The following KLRG1 variants were observed in gnomAD, a reference collection of about 807,000 sequenced individuals.
The protein encoded by KLRG1 is killer cell lectin like receptor G1, also known as killer cell lectin-like receptor subfamily G member 1.
KLRG1 carries 16 observed loss-of-function variants against 21.8 expected under a neutral mutation model. The ratio of observed to expected loss-of-function variants is 0.73; its 90% CI spans 0.50 to 1.11. The LOEUF is 1.11. KLRG1 is among the 50% of genes most tolerant of loss of function. The pLI is 0.00. For missense variants in KLRG1, 173 were observed against 218.3 expected, an observed-to-expected ratio of 0.79 and a Z score of 1.31; for synonymous variants, 69 against 75.9, an observed-to-expected ratio of 0.91 and a Z score of 0.47.
At chr12:9,084,405 T>C in the KLRG1 span, among the ~76,000 whole-genome samples, 1 of 152,174 alleles carries the variant, frequency 6.6e-6, no homozygotes, top group Admixed American at 6.5e-5. Context: ...AAATACACAT[T>C]ACAAAATATG....
chr12:8,978,688 C>A (rs199800089), intron 1 of KLRG1, among the ~76,000 whole-genome samples: 1 of 89,532 alleles, frequency 1.1e-5, no homozygotes, highest in Admixed American at 1.2e-4. Flanking sequence ...TTCTTTCTTT[C>A]TTTTTCTTTC....
the KLRG1 span, among the ~76,000 whole-genome samples, chr12:9,194,716 G>A: frequency 7.9e-5 from 12 of 152,098 alleles, 1 homozygote; most frequent in South Asian, 2.1e-3. Flanking sequence ...TGCCCGCCTC[G>A]GCCTCCGAAA....
At chr12:9,166,208 G>A in the KLRG1 span, 1 of 1,607,858 alleles carries the variant, frequency 6.2e-7, no homozygotes. Context: ...ACCTGCTAAA[G>A]TAAGAGAAAA....
chr12:9,042,578 C>G, the KLRG1 span, among the ~76,000 whole-genome samples: 1 of 152,178 alleles, frequency 6.6e-6, no homozygotes, highest in African/African-American at 2.4e-5. Flanking sequence ...TTACCCAGCA[C>G]TTTTCTTCTC....
At chr12:9,137,098 T>C in the KLRG1 span, among the ~76,000 whole-genome samples, 1 of 152,202 alleles carries the variant, frequency 6.6e-6, no homozygotes, top group Non-Finnish European at 1.5e-5. Flanking sequence ...CAAGAAATCA[T>C]TGCCAAGACC....
chr12:9,012,551 T>C (rs1947646553), downstream of KLRG1, among the ~76,000 whole-genome samples: 1 of 151,858 alleles, frequency 6.6e-6, no homozygotes, highest in African/African-American at 2.4e-5. Flanking sequence ...AGCACATTGT[T>C]AGCTATGGTA....
chr12:9,192,726 T>G, the KLRG1 span: 1 of 1,610,074 alleles, frequency 6.2e-7, no homozygotes, highest in Non-Finnish European at 8.5e-7. Context: ...CAAGTTGGGA[T>G]GCACAGTGAA....
chr12:9,068,719 G>T, the KLRG1 span: 1 of 1,540,512 alleles, frequency 6.5e-7, no homozygotes. Context: ...ATATTTCTAC[G>T]TGAAAATCAC....
the KLRG1 span, among the ~76,000 whole-genome samples, chr12:9,105,763 C>T: frequency 3.3e-5 from 5 of 152,088 alleles, no homozygotes; most frequent in Non-Finnish European, 7.4e-5. Flanking sequence ...ATATACTATC[C>T]ATGAAATAAA....
intron 2 of KLRG1, among the ~76,000 whole-genome samples, chr12:8,994,013 T>C (rs746127083): frequency 2.9e-4 from 44 of 152,134 alleles, no homozygotes; most frequent in Non-Finnish European, 5.9e-4. Flanking sequence ...ATCAATAGAA[T>C]TTTGGAATCT....
the KLRG1 span, among the ~76,000 whole-genome samples, chr12:9,088,812 A>G: frequency 1.3e-5 from 2 of 152,222 alleles, no homozygotes; most frequent in Admixed American, 1.3e-4. Flanking sequence ...GTTATCAAAT[A>G]CTGTTGGCTA....
chr12:9,171,832 T>C, the KLRG1 span, among the ~76,000 whole-genome samples: 1 of 152,102 alleles, frequency 6.6e-6, no homozygotes, highest in African/African-American at 2.4e-5. Context: ...CTGAGAAATA[T>C]GGGATTATGT....
chr12:9,192,771 T>A, the KLRG1 span: 2 of 1,456,548 alleles, frequency 1.4e-6, no homozygotes, highest in East Asian at 4.6e-5. Context: ...GAAAGAATAC[T>A]GTCTTGAAAT....
the KLRG1 span, chr12:9,200,355 G>A: frequency 1.3e-6 from 2 of 1,564,946 alleles, no homozygotes; most frequent in Non-Finnish European, 1.8e-6. Flanking sequence ...TAAAAACAAT[G>A]TAACTCACTC....
chr12:9,154,690 G>A, the KLRG1 span: 2 of 1,614,164 alleles, frequency 1.2e-6, no homozygotes, highest in Non-Finnish European at 1.7e-6. Flanking sequence ...GCAGAGGTCA[G>A]GTCCCCTGAG....
chr12:9,180,983 T>C, the KLRG1 span: 1 of 1,611,960 alleles, frequency 6.2e-7, no homozygotes, highest in South Asian at 1.1e-5. Flanking sequence ...GGAAACTCAC[T>C]GAGGACACAG....
At chr12:8,950,873 A>G (rs1340691995) in intron 1 of KLRG1, among the ~76,000 whole-genome samples, 1 of 152,032 alleles carries the variant, frequency 6.6e-6, no homozygotes, top group African/African-American at 2.4e-5. Flanking sequence ...GTGGGTCCCA[A>G]GCTATTAAGT....
At chr12:9,175,073 T>C in the KLRG1 span, among the ~76,000 whole-genome samples, 1 of 152,178 alleles carries the variant, frequency 6.6e-6, no homozygotes, top group African/African-American at 2.4e-5. Flanking sequence ...ACTACAAGGT[T>C]ACAGTAACCA....
At chr12:9,198,636 G>A in the KLRG1 span, among the ~76,000 whole-genome samples, 5 of 152,124 alleles carry the variant, frequency 3.3e-5, no homozygotes, top group Non-Finnish European at 5.9e-5. Flanking sequence ...ATGTGTGTGT[G>A]CACATGTTAT....
Sources: gnomAD v4.1 joint callset for allele counts (sites outside exome capture counted in the v4.1 genomes callset) on GRCh38, gnomAD v4.1.1 for gene constraint, MANE v1.5 for transcripts, NCBI Gene and HGNC (gene_info 2026-07-23, HGNC 2026-07-21) for gene names.